Variants in RHBDD1 observed in about 807,000 individuals in gnomAD.
The protein encoded by RHBDD1 is rhomboid domain containing 1, also known as rhomboid-related protein 4.
Under a neutral mutation model 36.3 loss-of-function variants are expected in RHBDD1, and 38 were observed. The ratio of observed to expected loss-of-function variants is 1.05; its 90% CI spans 0.81 to 1.37. RHBDD1 has a LOEUF of 1.37. RHBDD1 is among the 40% of genes most tolerant of loss of function. The probability of loss-of-function intolerance (pLI) is 0.00; values close to 1 mark genes in which losing one functional copy is unlikely to be tolerated. For synonymous variants in RHBDD1, 151 were observed against 136.5 expected, an observed-to-expected ratio of 1.11 and a Z score of -0.74; for missense variants, 393 against 377.6, an observed-to-expected ratio of 1.04 and a Z score of -0.34.
At chr2:226,972,728 C>G (rs950175878) in intron 8 of RHBDD1, among the ~76,000 whole-genome samples, 3 of 152,188 alleles carry the variant, frequency 2.0e-5, no homozygotes, top group African/African-American at 7.2e-5. Flanking sequence ...AGACTGGTCT[C>G]TCGAGTCCAG....
In RHBDD1 at chr2:226,864,213, C is replaced by A. The variant is rs561915641; in HGVS notation, c.-90-391C>A. 2.0e-5 allele frequency among the ~76,000 whole-genome samples: 3 copies of A among 152,096 alleles called. No individual in the cohort carries two copies. In the East Asian group the frequency reaches 5.8e-4, roughly 29 times the overall value. On this transcript the variant is annotated intron_variant, in intron 3 of 8. Coordinates refer to ENST00000392062, the MANE Select transcript of RHBDD1 (RefSeq NM_001167608.3). Reference sequence around the variant, plus strand: ...TCTAACATATCAAAATCAAATATTTCTTTGAAAAAAATGGAGGGGATAAAG... The same window carrying A: ...TCTAACATATCAAAATCAAATATTTATTTGAAAAAAATGGAGGGGATAAAG...
At position 226,865,855 on chromosome 2, in the gene RHBDD1, C is replaced by T. The variant is rs146939371; in HGVS notation, c.433+729C>T. ...TTTCCATAGTTATTCTTGAGAACTACAAGCGAGAAAGGAGGGGGAGAACTA... is the reference window on the plus strand; with the variant it reads ...TTTCCATAGTTATTCTTGAGAACTATAAGCGAGAAAGGAGGGGGAGAACTA... On this transcript the variant is annotated intron_variant, in intron 4 of 8. Transcript: ENST00000392062. Among the ~76,000 whole-genome samples the T allele has an allele frequency of 9.2e-5, 14 of 152,298 alleles. No individual in the cohort carries two copies. The East Asian group carries it at 2.7e-3, about 29-fold the overall frequency.
intron 8 of RHBDD1, among the ~76,000 whole-genome samples, chr2:226,983,886 G>T (rs6746060): frequency 0.015 from 2,224 of 152,294 alleles, 42 homozygotes; most frequent in African/African-American, 0.051. Flanking sequence ...TATCAAAAAT[G>T]CTTCTTTATA....
At chr2:226,830,542 G>A in the RHBDD1 span, among the ~76,000 whole-genome samples, 1 of 152,152 alleles carries the variant, frequency 6.6e-6, no homozygotes, top group Admixed American at 6.5e-5. Flanking sequence ...GGCCTAGTCT[G>A]GAGTGCAGTG....
chr2:226,966,485 A>G lies in RHBDD1; in HGVS notation c.857-28946A>G, dbSNP rs937075384. Reference sequence around the variant, plus strand: ...TAGCCACAAGTGCTGAGCATGTGGAATGTATTTACAAATGGATAGTAGGAG... The same window carrying G: ...TAGCCACAAGTGCTGAGCATGTGGAGTGTATTTACAAATGGATAGTAGGAG... On this transcript the variant is annotated intron_variant, in intron 8 of 8. Transcript: ENST00000392062. Among the ~76,000 whole-genome samples, 6 of 152,356 alleles carry G rather than the reference A, an allele frequency of 3.9e-5. 1 individual carries two copies. The highest frequency in any genetic ancestry group is 6.8e-3 in the Middle Eastern group (2 of 294).
intron 8 of RHBDD1, among the ~76,000 whole-genome samples, chr2:226,945,672 C>T (rs552048804): frequency 1.3e-5 from 2 of 152,204 alleles, no homozygotes; most frequent in African/African-American, 4.8e-5. Context: ...GGTATATACC[C>T]AGTACTGGGA....
rs74794583 is a variant in RHBDD1, at chr2:226,952,935, A to C, written c.856+38584A>C. Among the ~76,000 whole-genome samples the C allele has an allele frequency of 7.0e-3, 1,058 of 152,000 alleles. 8 individuals are homozygous for C. The highest frequency in any genetic ancestry group is 0.012 in the Non-Finnish European group (795 of 67,952). The stretch of plus-strand genomic sequence containing the variant: ...TGGGAATGTTTAGGGATGGGGTGGG[A>C]TGGGACAGGTGGATGGATGGATGAA... On this transcript the variant is annotated intron_variant, in intron 8 of 8. Coordinates refer to ENST00000392062, the MANE Select transcript of RHBDD1 (RefSeq NM_001167608.3).
At chr2:226,976,510 G>T (rs1954608076) in intron 8 of RHBDD1, among the ~76,000 whole-genome samples, 1 of 151,942 alleles carries the variant, frequency 6.6e-6, no homozygotes. Flanking sequence ...CCTCTTCTTT[G>T]ACTATCCCAT....
chr2:226,895,739 A>G (rs2125541179), intron 5 of RHBDD1: 1 of 985,374 alleles, frequency 1.0e-6, no homozygotes, highest in African/African-American at 1.7e-5. Flanking sequence ...ACTTTCATCC[A>G]GAGCACTATT....
chr2:226,936,548 T>A (rs1950341681), intron 8 of RHBDD1, among the ~76,000 whole-genome samples: 1 of 152,106 alleles, frequency 6.6e-6, no homozygotes, highest in Admixed American at 6.6e-5. Context: ...AAGGCATTAT[T>A]TGGATGCTGA....
At chr2:226,933,832 G>C (rs1395903868) in intron 8 of RHBDD1, among the ~76,000 whole-genome samples, 1 of 151,932 alleles carries the variant, frequency 6.6e-6, no homozygotes, top group Non-Finnish European at 1.5e-5. Context: ...TCTTCACTGG[G>C]GTTTGAATTA....
At chr2:226,835,456 T>C (rs886290421), upstream of RHBDD1, 1 of 152,248 alleles carries the variant, frequency 6.6e-6, no homozygotes, top group African/African-American at 2.4e-5. Flanking sequence ...ACCCGCGACC[T>C]TGCCTTGCTG....
At chr2:226,967,676 C>G (rs1952751906) in intron 8 of RHBDD1, among the ~76,000 whole-genome samples, 1 of 151,918 alleles carries the variant, frequency 6.6e-6, no homozygotes, top group South Asian at 2.1e-4. Flanking sequence ...CTGTCTGTAG[C>G]TTGATAAATT....
At chr2:226,902,710 A>C (rs972852000) in intron 5 of RHBDD1, among the ~76,000 whole-genome samples, 1 of 152,254 alleles carries the variant, frequency 6.6e-6, no homozygotes, top group African/African-American at 2.4e-5. Flanking sequence ...AAATGAAACA[A>C]GACCAGTTAA....
intron 8 of RHBDD1, among the ~76,000 whole-genome samples, chr2:226,968,548 C>T (rs1188018209): frequency 6.6e-6 from 1 of 152,222 alleles, no homozygotes; most frequent in Non-Finnish European, 1.5e-5. Flanking sequence ...GATGCCTTCA[C>T]AGCAGCACCC....
intron 8 of RHBDD1, among the ~76,000 whole-genome samples, chr2:226,917,886 AAAG>A (rs899321093): frequency 3.3e-5 from 5 of 152,176 alleles, no homozygotes; most frequent in South Asian, 2.1e-4. Flanking sequence ...TTTAAAAAGA[AAAG>A]AAATCATAAA....
At chr2:226,813,523 C>T in the RHBDD1 span, among the ~76,000 whole-genome samples, 403 of 152,310 alleles carry the variant, frequency 2.6e-3, 1 homozygote, top group African/African-American at 8.6e-3. Context: ...CAGGGGTACA[C>T]TACACAACAT....
At chr2:226,971,714 T>A (rs1162805851) in intron 8 of RHBDD1, among the ~76,000 whole-genome samples, 1 of 152,220 alleles carries the variant, frequency 6.6e-6, no homozygotes, top group African/African-American at 2.4e-5. Flanking sequence ...GCCTGTTGTT[T>A]CTTTTGGTTT....
rs141084605 is a variant in RHBDD1 at position 226,889,936 on chromosome 2, A to G, written c.567-16857A>G. ...GTCTCTCATCTGTAAAATGAGACCA[A>G]TAATAGTACCCATGTCATGGACTTG... On this transcript the variant is annotated intron_variant, in intron 5 of 8. Transcript: ENST00000392062. 6.1e-3 allele frequency among the ~76,000 whole-genome samples: 933 copies of G among 152,312 alleles called. 6 individuals are homozygous for G. The highest frequency in any genetic ancestry group is 0.021 in the African/African-American group (877 of 41,562).
Sources: allele counts gnomAD v4.1 joint callset (sites outside exome capture counted in the v4.1 genomes callset), GRCh38; gene constraint gnomAD v4.1.1; transcripts MANE v1.5; gene names NCBI Gene and HGNC (gene_info 2026-07-23, HGNC 2026-07-21).